FAM227B: variants seen among roughly 807,000 people sequenced by gnomAD.
FAM227B encodes protein FAM227B.
In FAM227B, 88 loss-of-function variants were observed where a neutral mutation model predicts 73.8. The ratio of observed to expected loss-of-function variants is 1.19; its 90% CI spans 1.00 to 1.42. The LOEUF (loss-of-function observed/expected upper bound fraction) is 1.42. FAM227B is among the 40% of genes most tolerant of loss of function. The probability of loss-of-function intolerance (pLI) is 0.00; values close to 1 mark genes in which losing one functional copy is unlikely to be tolerated. For synonymous variants in FAM227B, 210 were observed against 190.5 expected (o/e 1.10, Z -0.84); for missense variants, 632 against 590.9 (o/e 1.07, Z -0.72).
chr15:49,567,397 T>C (rs1311849037), intron 9 of FAM227B, among the ~76,000 whole-genome samples: 1 of 152,132 alleles, frequency 6.6e-6, no homozygotes, highest in East Asian at 1.9e-4. Context: ...TAGCATATTC[T>C]GGACATGAAG....
At chr15:49,493,831 G>A (rs937467759) in intron 11 of FAM227B, among the ~76,000 whole-genome samples, 1 of 150,230 alleles carries the variant, frequency 6.7e-6, no homozygotes, top group African/African-American at 2.4e-5. Context: ...ATCTATTTCA[G>A]TTACACAAAT....
At chr15:49,377,264 T>C (rs575648907) in intron 11 of FAM227B, among the ~76,000 whole-genome samples, 2 of 152,246 alleles carry the variant, frequency 1.3e-5, no homozygotes, top group South Asian at 2.1e-4. Context: ...TTCTTTCATC[T>C]ATTGATGGAC....
At chr15:49,389,969 C>T (rs193186158) in intron 11 of FAM227B, among the ~76,000 whole-genome samples, 263 of 152,134 alleles carry the variant, frequency 1.7e-3, no homozygotes, top group African/African-American at 5.9e-3. Context: ...CATTACTTTA[C>T]GCAGTGCTTC....
chr15:49,445,609 G>T (rs2052121888), intron 11 of FAM227B, among the ~76,000 whole-genome samples: 1 of 151,302 alleles, frequency 6.6e-6, no homozygotes, highest in Middle Eastern at 3.2e-3. Flanking sequence ...ACTATACACT[G>T]TATATATGAA....
rs573313749 is a variant in FAM227B at position 49,480,071 on chromosome 15, T to C, written c.1012+28140A>G. 8.7e-4 allele frequency among the ~76,000 whole-genome samples: 133 copies of C among 152,240 alleles called. 5 individuals are homozygous for C. The South Asian group carries it at 0.026, about 30-fold the overall frequency. Reference sequence around the variant, plus strand: ...ACATGGAACAAAATAGACTAGAAAATAGGGTTGATAAGCTACTGATTCTGC... The same window carrying C: ...ACATGGAACAAAATAGACTAGAAAACAGGGTTGATAAGCTACTGATTCTGC... On this transcript the variant is annotated intron_variant, in intron 11 of 15. Coordinates refer to ENST00000299338, the MANE Select transcript of FAM227B (RefSeq NM_152647.3).
intron 10 of FAM227B, among the ~76,000 whole-genome samples, chr15:49,530,639 GT>G (rs1375165705): frequency 6.6e-6 from 1 of 151,736 alleles, no homozygotes; most frequent in Non-Finnish European, 1.5e-5. Flanking sequence ...TGAATTGTAT[GT>G]ATCTCTAAAA....
rs1305609541 is a variant in FAM227B, at chr15:49,413,326, A to G, written c.1013-41927T>C. On this transcript the variant is annotated intron_variant, in intron 11 of 15. Coordinates refer to ENST00000299338, the MANE Select transcript of FAM227B (RefSeq NM_152647.3). ...TGCTTCTCTCTCATTCTCTCTCTTT[A>G]CCTGCTACCATCTGTGTAAGACCTG... Among the ~76,000 whole-genome samples, 5 of 151,914 alleles carry G rather than the reference A, an allele frequency of 3.3e-5. No homozygotes were observed. The East Asian group carries it at 9.7e-4, about 29-fold the overall frequency.
rs1370229064 is a variant in FAM227B, at chr15:49,331,784, T to G, written c.1415A>C (p.Lys472Thr). ...ATTTTCAGAAAGAAAACCTACCAGT[T>G]TATGTAGGAACTTCTCAAAGTCCTG... ...VKQDFEKFLH[K>T]LRSEAEIERE... The change falls in exon 15 of 16, where the codon AAA (lysine) becomes ACA (threonine). Residue 472 changes from lysine to threonine, a missense_variant. Transcript: ENST00000299338. 1.3e-6 allele frequency: 2 copies of G among 1,590,738 alleles called. No individual in the cohort carries two copies. Among genetic ancestry groups the G allele is most frequent in the South Asian group, 1.1e-5 (1 of 90,592 alleles).
chr15:49,419,485 A>C (rs1210871782), intron 11 of FAM227B, among the ~76,000 whole-genome samples: 1 of 152,220 alleles, frequency 6.6e-6, no homozygotes, highest in Non-Finnish European at 1.5e-5. Context: ...AACAGAAAAA[A>C]ATGGGATAAA....
chr15:49,335,348 G>T, intron 14 of FAM227B, 71 bp downstream of exon 14: 2 of 993,784 alleles, frequency 2.0e-6, no homozygotes, highest in Non-Finnish European at 3.1e-6. Context: ...TAGTTTAGAT[G>T]ATTTCTCTGA....
rs1276428347 is a variant in FAM227B, at chr15:49,401,970, G to A, written c.1013-30571C>T. 2.0e-5 allele frequency among the ~76,000 whole-genome samples: 3 copies of A among 150,424 alleles called. No individual in the cohort carries two copies. In the East Asian group the frequency reaches 5.9e-4, roughly 29 times the overall value. On this transcript the variant is annotated intron_variant, in intron 11 of 15. Transcript: ENST00000299338. ...TACATATGTAACTAACCTGCACAAT[G>A]TGCACATGTACCCTAAAACTTAAAG... is the stretch of plus-strand genomic sequence containing the variant.
At chr15:49,414,751 G>C (rs1408578694) in intron 11 of FAM227B, among the ~76,000 whole-genome samples, 1 of 152,092 alleles carries the variant, frequency 6.6e-6, no homozygotes, top group African/African-American at 2.4e-5. Flanking sequence ...AACAGGTGTA[G>C]AAGAAGTTGT....
chr15:49,608,602 GAATA>G (rs1438447179), intron 3 of FAM227B, among the ~76,000 whole-genome samples: 2 of 151,854 alleles, frequency 1.3e-5, no homozygotes, highest in Admixed American at 6.6e-5. Context: ...ATGGATTAAT[GAATA>G]AATAAATGAA....
intron 11 of FAM227B, among the ~76,000 whole-genome samples, chr15:49,417,541 G>A (rs1234059269): frequency 6.6e-6 from 1 of 152,112 alleles, no homozygotes; most frequent in African/African-American, 2.4e-5. Context: ...TCTGATCGTT[G>A]ACAAATCTCA....
intron 11 of FAM227B, among the ~76,000 whole-genome samples, chr15:49,373,155 C>A (rs2045953705): frequency 6.6e-6 from 1 of 151,842 alleles, no homozygotes; most frequent in African/African-American, 2.4e-5. Flanking sequence ...AAGAACCTCT[C>A]CATGTTCACT....
chr15:49,475,051 A>G (rs2055133712), intron 11 of FAM227B, among the ~76,000 whole-genome samples: 1 of 152,232 alleles, frequency 6.6e-6, no homozygotes, highest in Non-Finnish European at 1.5e-5. Flanking sequence ...ACTTTTAAGC[A>G]TAGATACAAT....
chr15:49,618,322 T>C (rs77411224), intron 1 of FAM227B, among the ~76,000 whole-genome samples: 2,534 of 152,206 alleles, frequency 0.017, 33 homozygotes, highest in Middle Eastern at 0.037. Context: ...AAACCAGCAA[T>C]CCTAAATAAA....
At chr15:49,462,767 A>C (rs1477931475) in intron 11 of FAM227B, among the ~76,000 whole-genome samples, 1 of 152,228 alleles carries the variant, frequency 6.6e-6, no homozygotes, top group Non-Finnish European at 1.5e-5. Context: ...GATATATCAG[A>C]TTATGAAAGC....
chr15:49,426,178 T>C (rs1177227417), intron 11 of FAM227B, among the ~76,000 whole-genome samples: 1 of 151,832 alleles, frequency 6.6e-6, no homozygotes, highest in Non-Finnish European at 1.5e-5. Context: ...TGACCCTCAA[T>C]TTTTCATCTA....
Sources: gnomAD v4.1 joint callset for allele counts (sites outside exome capture counted in the v4.1 genomes callset) on GRCh38, gnomAD v4.1.1 for gene constraint, MANE v1.5 for transcripts, NCBI Gene and HGNC (gene_info 2026-07-23, HGNC 2026-07-21) for gene names.